Variants in DLG2 observed in about 807,000 individuals in gnomAD.
DLG2 encodes disks large homolog 2.
In DLG2, 45 loss-of-function variants were observed where a neutral mutation model predicts 132.5. The ratio of observed to expected loss-of-function variants is 0.34; its 90% CI spans 0.27 to 0.44. The LOEUF (loss-of-function observed/expected upper bound fraction) is 0.44. Among genes scored for constraint, DLG2 ranks in the 20% least tolerant of loss-of-function variants. The pLI is 1.00. For missense variants in DLG2, 1,045 were observed against 1,196.9 expected, an observed-to-expected ratio of 0.87 and a Z score of 1.87; for synonymous variants, 424 against 419.6, an observed-to-expected ratio of 1.01 and a Z score of -0.13.
intron 7 of DLG2, among the ~76,000 whole-genome samples, chr11:84,517,009 T>TAAAAAAAAAAAAAAAA (rs1234070680): frequency 6.1e-5 from 2 of 32,842 alleles, no homozygotes; most frequent in African/African-American, 1.3e-4. Flanking sequence ...AGGATAAAAG[T>TAAAAAAAAAAAAAAAA]AAAAAAATAA....
At chr11:85,487,892 G>T (rs1359259219) in intron 3 of DLG2, among the ~76,000 whole-genome samples, 1 of 152,160 alleles carries the variant, frequency 6.6e-6, no homozygotes, top group East Asian at 1.9e-4. Flanking sequence ...TTGGCTCTGT[G>T]TCCCCACCCA....
intron 3 of DLG2, among the ~76,000 whole-genome samples, chr11:85,479,390 A>T (rs1356740711): frequency 6.6e-6 from 1 of 152,196 alleles, no homozygotes; most frequent in Admixed American, 6.5e-5. Context: ...CACAAATCTC[A>T]TTCATGAGGG....
intron 4 of DLG2, among the ~76,000 whole-genome samples, chr11:85,281,165 A>G (rs886735854): frequency 6.6e-6 from 1 of 152,046 alleles, no homozygotes; most frequent in Non-Finnish European, 1.5e-5. Context: ...ATTTCAAAAA[A>G]CGGTAGGTGA....
chr11:85,016,401 T>C (rs1264155998), intron 6 of DLG2, among the ~76,000 whole-genome samples: 1 of 152,186 alleles, frequency 6.6e-6, no homozygotes, highest in Non-Finnish European at 1.5e-5. Context: ...TCTTTTCATT[T>C]TTTCCTCAGT....
intron 17 of DLG2, among the ~76,000 whole-genome samples, chr11:83,828,574 C>T (rs2053561435): frequency 6.6e-6 from 1 of 152,144 alleles, no homozygotes; most frequent in Admixed American, 6.6e-5. Flanking sequence ...GAAGCCTGTA[C>T]AAATGAACCT....
At chr11:84,129,334 G>C (rs867676639) in intron 9 of DLG2, among the ~76,000 whole-genome samples, 1 of 152,132 alleles carries the variant, frequency 6.6e-6, no homozygotes, top group African/African-American at 2.4e-5. Flanking sequence ...ATTCAGGAAG[G>C]CATCTGTGAG....
Position 84,927,896 on chromosome 11 carries a change from A to G in DLG2, c.357+183765T>C, listed in dbSNP as rs2047589751. ...TAGAAATAGAAATTCTCCATACCCCAGACCTACTGAATCAAAAACACTAGG... is the reference window on the plus strand; with the variant it reads ...TAGAAATAGAAATTCTCCATACCCCGGACCTACTGAATCAAAAACACTAGG... On this transcript the variant is annotated intron_variant, in intron 6 of 27. Transcript: ENST00000376104. 2.0e-5 allele frequency among the ~76,000 whole-genome samples: 3 copies of G among 152,062 alleles called. No individual in the cohort carries two copies. The South Asian group carries it at 6.2e-4, about 32-fold the overall frequency.
At chr11:83,936,266 A>C (rs552291543) in intron 14 of DLG2, among the ~76,000 whole-genome samples, 1 of 152,326 alleles carries the variant, frequency 6.6e-6, no homozygotes, top group African/African-American at 2.4e-5. Flanking sequence ...CTAAAGACTC[A>C]CTTTTGCTCT....
At chr11:83,866,351 A>T (rs1333401564) in intron 16 of DLG2, among the ~76,000 whole-genome samples, 1 of 152,142 alleles carries the variant, frequency 6.6e-6, no homozygotes. Context: ...AATCTTTTTG[A>T]TAGTTTAAGC....
chr11:84,410,395 A>G (rs777185305), intron 7 of DLG2, among the ~76,000 whole-genome samples: 9 of 152,162 alleles, frequency 5.9e-5, no homozygotes, highest in Non-Finnish European at 8.8e-5. Flanking sequence ...ATATAGCACA[A>G]TTCCTTCCAG....
intron 11 of DLG2, among the ~76,000 whole-genome samples, chr11:83,983,140 ATAAT>A (rs1268379027): frequency 2.0e-5 from 3 of 152,128 alleles, no homozygotes; most frequent in African/African-American, 4.8e-5. Flanking sequence ...TTTTAAAGGA[ATAAT>A]TAATAGACTC....
chr11:84,395,858 G>T (rs190212048), intron 7 of DLG2, among the ~76,000 whole-genome samples: 1 of 152,316 alleles, frequency 6.6e-6, no homozygotes, highest in Admixed American at 6.5e-5. Context: ...GTAGTCAAAG[G>T]GATGGTTGGT....
chr11:83,703,440 G>A (rs1000319527), intron 18 of DLG2, among the ~76,000 whole-genome samples: 2 of 152,068 alleles, frequency 1.3e-5, no homozygotes, highest in Admixed American at 6.6e-5. Context: ...ACCTGAGGTC[G>A]GGAGTTAGAG....
At chr11:84,652,361 T>G (rs1281579247) in intron 6 of DLG2, among the ~76,000 whole-genome samples, 1 of 152,196 alleles carries the variant, frequency 6.6e-6, no homozygotes. Context: ...TGATTGGTTA[T>G]TGATTAGGTG....
intron 8 of DLG2, among the ~76,000 whole-genome samples, chr11:84,235,543 T>TAA (rs778921474): frequency 2.0e-5 from 3 of 147,784 alleles, no homozygotes; most frequent in Admixed American, 6.8e-5. Flanking sequence ...GAACCTGTCT[T>TAA]AAAAAAAAAA....
At chr11:85,318,480 G>A (rs1264803020) in intron 3 of DLG2, among the ~76,000 whole-genome samples, 5 of 151,776 alleles carry the variant, frequency 3.3e-5, no homozygotes, top group African/African-American at 1.2e-4. Context: ...AGGAATAAAA[G>A]TGCAAAAAAG....
At chr11:84,857,338 G>T (rs1425271941) in intron 6 of DLG2, among the ~76,000 whole-genome samples, 2 of 151,000 alleles carry the variant, frequency 1.3e-5, no homozygotes, top group East Asian at 3.9e-4. Flanking sequence ...GAGATGAGAA[G>T]GTAAGATCAA....
chr11:85,530,855 C>T (rs774329633), intron 3 of DLG2, among the ~76,000 whole-genome samples: 7 of 152,102 alleles, frequency 4.6e-5, no homozygotes, highest in Non-Finnish European at 7.3e-5. Flanking sequence ...ATGCTTTGTC[C>T]CTCTGTATAT....
intron 22 of DLG2, among the ~76,000 whole-genome samples, chr11:83,477,304 A>T (rs2092696132): frequency 6.6e-6 from 1 of 152,158 alleles, no homozygotes; most frequent in Non-Finnish European, 1.5e-5. Context: ...TTATTGACAT[A>T]AATCTAGAAT....
Sources: allele counts gnomAD v4.1 joint callset (sites outside exome capture counted in the v4.1 genomes callset), GRCh38; gene constraint gnomAD v4.1.1; transcripts MANE v1.5; gene names NCBI Gene and HGNC (gene_info 2026-07-23, HGNC 2026-07-21).